Variants in C8orf34 observed in about 807,000 individuals in gnomAD.
The protein encoded by C8orf34 is chromosome 8 open reading frame 34, also known as uncharacterized protein C8orf34.
Under a neutral mutation model 68.3 loss-of-function variants are expected in C8orf34, and 65 were observed. The observed-to-expected ratio is 0.95, with a 90% CI of 0.78 to 1.17. C8orf34 has a LOEUF of 1.17. C8orf34 is among the 50% of genes most tolerant of loss of function. The pLI is 0.00. For missense variants in C8orf34, 664 were observed against 655.4 expected (o/e 1.01, Z -0.14); for synonymous variants, 244 against 241.2 (o/e 1.01, Z -0.11).
At chr8:68,632,709 C>T (rs1234777339) in intron 7 of C8orf34, among the ~76,000 whole-genome samples, 1 of 152,230 alleles carries the variant, frequency 6.6e-6, no homozygotes, top group East Asian at 1.9e-4. Flanking sequence ...GGACATTGTA[C>T]CCTGCATCCC....
intron 4 of C8orf34, among the ~76,000 whole-genome samples, chr8:68,472,070 C>G (rs1812402659): frequency 6.6e-6 from 1 of 151,744 alleles, no homozygotes; most frequent in African/African-American, 2.4e-5. Flanking sequence ...TTTTTCAAAC[C>G]TTTCAATGTA....
chr8:68,352,765 T>C (rs1340280831), intron 1 of C8orf34, among the ~76,000 whole-genome samples: 1 of 152,132 alleles, frequency 6.6e-6, no homozygotes, highest in Non-Finnish European at 1.5e-5. Context: ...GAATGTATTT[T>C]AGAGAAATAT....
At chr8:68,622,383 A>G (rs575340992) in intron 7 of C8orf34, among the ~76,000 whole-genome samples, 9 of 152,292 alleles carry the variant, frequency 5.9e-5, no homozygotes, top group African/African-American at 2.2e-4. Context: ...TCCTGACACA[A>G]GTGTGTTCAG....
rs138896242 is a variant in C8orf34, at chr8:68,390,923, G to T, written c.328-48576G>T. ...ACAGACTTTCTTCTTCTTCAGGAAA[G>T]CTCAGTTTTTGCTTTTAAGGCCTTC... On this transcript the variant is annotated intron_variant, in intron 1 of 13. Coordinates refer to ENST00000518698, the MANE Select transcript of C8orf34 (RefSeq NM_052958.4). 7.9e-5 allele frequency among the ~76,000 whole-genome samples: 12 copies of T among 152,226 alleles called. No homozygotes were observed. In the East Asian group the frequency reaches 2.3e-3, roughly 29 times the overall value.
intron 10 of C8orf34, among the ~76,000 whole-genome samples, chr8:68,725,173 C>A (rs573584383): frequency 2.0e-5 from 3 of 152,240 alleles, no homozygotes; most frequent in Admixed American, 6.5e-5. Flanking sequence ...TTAAAAAAAT[C>A]TATTTTGCTG....
intron 1 of C8orf34, among the ~76,000 whole-genome samples, chr8:68,405,514 C>T (rs1398219282): frequency 6.6e-6 from 1 of 152,154 alleles, no homozygotes; most frequent in Admixed American, 6.5e-5. Context: ...GCAGACAGCT[C>T]ATAGCTGTGG....
chr8:68,459,412 T>A (rs554933283), intron 3 of C8orf34, among the ~76,000 whole-genome samples: 2 of 152,180 alleles, frequency 1.3e-5, no homozygotes, highest in African/African-American at 2.4e-5. Context: ...GTATTTTTTT[T>A]AGTAGAGATG....
intron 1 of C8orf34, among the ~76,000 whole-genome samples, chr8:68,355,052 G>C (rs1440053819): frequency 2.0e-5 from 3 of 151,932 alleles, no homozygotes; most frequent in Non-Finnish European, 4.4e-5. Flanking sequence ...TTAAGATCTA[G>C]AGAAAAATAA....
At chr8:68,427,760 A>T (rs1440742113) in intron 1 of C8orf34, among the ~76,000 whole-genome samples, 1 of 152,048 alleles carries the variant, frequency 6.6e-6, no homozygotes, top group African/African-American at 2.4e-5. Context: ...TTCATATCAT[A>T]TTATAATTTT....
At chr8:68,425,853 C>T (rs548954902) in intron 1 of C8orf34, among the ~76,000 whole-genome samples, 2 of 151,916 alleles carry the variant, frequency 1.3e-5, no homozygotes, top group East Asian at 3.9e-4. Context: ...TGGAACAAAA[C>T]ATAATAGATA....
chr8:68,742,368 A>G (rs1236321722), intron 10 of C8orf34, among the ~76,000 whole-genome samples: 1 of 152,192 alleles, frequency 6.6e-6, no homozygotes, highest in Non-Finnish European at 1.5e-5. Flanking sequence ...GAAAAAATAA[A>G]ACTATCAAGC....
chr8:68,417,105 C>T (rs1809706183), intron 1 of C8orf34, among the ~76,000 whole-genome samples: 1 of 152,018 alleles, frequency 6.6e-6, no homozygotes, highest in South Asian at 2.1e-4. Context: ...TTCAATATAC[C>T]TTGCAATTCA....
chr8:68,754,139 T>C (rs1822786443), intron 10 of C8orf34, among the ~76,000 whole-genome samples: 1 of 152,206 alleles, frequency 6.6e-6, no homozygotes, highest in Non-Finnish European at 1.5e-5. Context: ...GGGAGCAATT[T>C]AGTTCAACAA....
chr8:68,726,160 C>T (rs190969666), intron 10 of C8orf34, among the ~76,000 whole-genome samples: 413 of 152,248 alleles, frequency 2.7e-3, no homozygotes, highest in African/African-American at 8.6e-3. Flanking sequence ...CCGCCCGCCT[C>T]GGCCTCCCAA....
chr8:68,533,769 C>T (rs1021031055), intron 7 of C8orf34: 434 of 965,014 alleles, frequency 4.5e-4, no homozygotes, highest in Non-Finnish European at 5.1e-4. Context: ...GAAATCTCTT[C>T]ATATAAATTT....
chr8:68,751,088 C>G (rs947832216), intron 10 of C8orf34, among the ~76,000 whole-genome samples: 8 of 152,090 alleles, frequency 5.3e-5, no homozygotes, highest in Admixed American at 1.3e-4. Context: ...GCATTATTAT[C>G]AAAGAAGGCA....
chr8:68,713,262 C>G (rs1463470127), intron 9 of C8orf34, among the ~76,000 whole-genome samples: 1 of 151,984 alleles, frequency 6.6e-6, no homozygotes, highest in Admixed American at 6.6e-5. Context: ...TACCTCCTAC[C>G]TCCTGGAACT....
chr8:68,506,626 T>C (rs557786448), intron 5 of C8orf34, among the ~76,000 whole-genome samples: 37 of 152,358 alleles, frequency 2.4e-4, no homozygotes, highest in African/African-American at 8.9e-4. Flanking sequence ...CCTTTGTTAG[T>C]ATACATGTCT....
rs866241258 is a variant in C8orf34, at chr8:68,812,095, T to C, written c.1550-3791T>C. On this transcript the variant is annotated intron_variant, in intron 12 of 13. Coordinates refer to ENST00000518698, the MANE Select transcript of C8orf34 (RefSeq NM_052958.4). ...AAGGGAAAACAACATATAAAGAAAC[T>C]GAAGCAGTAATACATTTGAGTAGAA... Among the ~76,000 whole-genome samples, 6 of 152,292 alleles carry C rather than the reference T, an allele frequency of 3.9e-5. No individual in the cohort carries two copies. In the South Asian group the frequency reaches 8.3e-4, roughly 21 times the overall value.
Sources: allele counts gnomAD v4.1 joint callset (sites outside exome capture counted in the v4.1 genomes callset), GRCh38; gene constraint gnomAD v4.1.1; transcripts MANE v1.5; gene names NCBI Gene and HGNC (gene_info 2026-07-23, HGNC 2026-07-21).